XYLT1: variants seen among roughly 807,000 people sequenced by gnomAD.
The protein encoded by XYLT1 is beta-D-xylosyltransferase 1.
Under a neutral mutation model 91.3 loss-of-function variants are expected in XYLT1, and 36 were observed. The ratio of observed to expected loss-of-function variants is 0.39; its 90% CI spans 0.30 to 0.52. The LOEUF (loss-of-function observed/expected upper bound fraction) is 0.52, where lower values mean the gene tolerates loss of function less well. Among genes scored for constraint, XYLT1 ranks in the 20% least tolerant of loss-of-function variants. XYLT1 has a pLI of 0.68. For synonymous variants in XYLT1, 588 were observed against 532.0 expected (o/e 1.11, Z -1.45); for missense variants, 1,242 against 1,284.5 (o/e 0.97, Z 0.51).
chr16:17,161,457 G>C (rs761490781), intron 5 of XYLT1, among the ~76,000 whole-genome samples: 1 of 152,082 alleles, frequency 6.6e-6, no homozygotes, highest in South Asian at 2.1e-4. Context: ...CTAGGGTCTC[G>C]GGCCCCTCGC....
intron 1 of XYLT1, among the ~76,000 whole-genome samples, chr16:17,367,946 T>G (rs2035476286): frequency 6.6e-6 from 1 of 152,188 alleles, no homozygotes; most frequent in South Asian, 2.1e-4. Context: ...CTGGAGTTCA[T>G]CCCATTTTGC....
chr16:17,402,308 C>T (rs1003275255), intron 1 of XYLT1, among the ~76,000 whole-genome samples: 2 of 150,092 alleles, frequency 1.3e-5, no homozygotes, highest in Non-Finnish European at 1.5e-5. Flanking sequence ...CAACGGAGAC[C>T]TTGTCTCAAA....
rs529464759 is a variant in XYLT1, at chr16:17,138,734, C to G, written c.1588-203G>C. The G allele has an allele frequency of 5.4e-6, 3 of 552,064 alleles. No homozygotes were observed. In the Admixed American group the frequency reaches 9.2e-5, roughly 17 times the overall value. The allele number at this position is 552,064 out of a possible 1,614,324, so 34.2% of individuals were successfully genotyped here. A position where few individuals can be genotyped will look rare whatever the true frequency, so the allele number is the denominator to read the frequency against. On this transcript the variant is annotated intron_variant, in intron 7 of 11. Coordinates refer to ENST00000261381, the MANE Select transcript of XYLT1 (RefSeq NM_022166.4). Reference sequence around the variant, plus strand: ...TAAACCTCTTTTCTTTATAAATTACCAAGCCTCAGATTTTCCTTCATAGCA... The same window carrying G: ...TAAACCTCTTTTCTTTATAAATTACGAAGCCTCAGATTTTCCTTCATAGCA...
chr16:17,292,469 C>G (rs1307601823), intron 2 of XYLT1, among the ~76,000 whole-genome samples: 1 of 152,158 alleles, frequency 6.6e-6, no homozygotes, highest in African/African-American at 2.4e-5. Flanking sequence ...TCTGTATTTG[C>G]TGAGCTGATC....
At chr16:17,326,084 C>A (rs929395420) in intron 2 of XYLT1, among the ~76,000 whole-genome samples, 1 of 152,150 alleles carries the variant, frequency 6.6e-6, no homozygotes, top group Non-Finnish European at 1.5e-5. Context: ...TGCACAGACT[C>A]GTGACACCAT....
At chr16:17,454,613 T>C (rs2036711833) in intron 1 of XYLT1, among the ~76,000 whole-genome samples, 1 of 151,968 alleles carries the variant, frequency 6.6e-6, no homozygotes, top group Admixed American at 6.6e-5. Context: ...CTTGGCTCAG[T>C]GCAATCTCTG....
intron 6 of XYLT1, among the ~76,000 whole-genome samples, chr16:17,146,799 C>G (rs1481320225): frequency 6.6e-6 from 1 of 152,116 alleles, no homozygotes; most frequent in African/African-American, 2.4e-5. Flanking sequence ...TATGGATACA[C>G]GGGAGCCCAG....
At chr16:17,198,493 T>C (rs2032475667) in intron 4 of XYLT1, 79 bp from the exon 5 acceptor site, 1 of 1,425,610 alleles carries the variant, frequency 7.0e-7, no homozygotes, top group East Asian at 2.5e-5. Flanking sequence ...CTGTCCCCTC[T>C]CTGTGTCTTC....
At chr16:17,361,164 G>C (rs550115387) in intron 1 of XYLT1, among the ~76,000 whole-genome samples, 3 of 152,324 alleles carry the variant, frequency 2.0e-5, no homozygotes, top group African/African-American at 7.2e-5. Flanking sequence ...GGCATAAGCA[G>C]AAGCTTGAAA....
At chr16:17,402,327 CA>C (rs60232971) in intron 1 of XYLT1, among the ~76,000 whole-genome samples, 15 of 140,538 alleles carry the variant, frequency 1.1e-4, no homozygotes, top group East Asian at 6.4e-4. Context: ...AAAACAAAAA[CA>C]AAAAAAAAAG....
At chr16:17,175,613 C>T (rs986255062) in intron 5 of XYLT1, among the ~76,000 whole-genome samples, 18 of 152,214 alleles carry the variant, frequency 1.2e-4, no homozygotes, top group Non-Finnish European at 1.6e-4. Flanking sequence ...ACCTGCAGAA[C>T]TTACCTCCCT....
At chr16:17,432,394 C>T (rs1007870867) in intron 1 of XYLT1, among the ~76,000 whole-genome samples, 1 of 152,162 alleles carries the variant, frequency 6.6e-6, no homozygotes, top group Non-Finnish European at 1.5e-5. Context: ...CAGCAATATA[C>T]GACTACACAT....
intron 10 of XYLT1, among the ~76,000 whole-genome samples, chr16:17,120,135 T>A (rs7201624): frequency 0.67 from 101,191 of 152,026 alleles, 34,330 homozygotes; most frequent in Non-Finnish European, 0.72. Flanking sequence ...TCTGGGACCC[T>A]CCAGTGCCTA....
intron 3 of XYLT1, among the ~76,000 whole-genome samples, chr16:17,220,379 G>A (rs967617706): frequency 7.2e-5 from 11 of 152,194 alleles, no homozygotes; most frequent in African/African-American, 1.9e-4. Flanking sequence ...CCACCTAGGC[G>A]TTCTCATATA....
At chr16:17,317,628 T>A (rs1179932724) in intron 2 of XYLT1, among the ~76,000 whole-genome samples, 6 of 44,816 alleles carry the variant, frequency 1.3e-4, no homozygotes, top group South Asian at 1.7e-3. Flanking sequence ...AGACGCTGTC[T>A]CAAAAAAAAA....
At chr16:17,243,144 T>A (rs190372057) in intron 3 of XYLT1, among the ~76,000 whole-genome samples, 95 of 152,340 alleles carry the variant, frequency 6.2e-4, no homozygotes, top group African/African-American at 2.3e-3. Context: ...AAGAGCTAAC[T>A]TTTATTGAGC....
intron 11 of XYLT1, among the ~76,000 whole-genome samples, chr16:17,112,561 G>A (rs1233200510): frequency 6.6e-6 from 1 of 152,124 alleles, no homozygotes; most frequent in Admixed American, 6.5e-5. Context: ...TGTACCTGAA[G>A]CAGCGAAGAC....
chr16:17,112,473 G>T (rs749781313), intron 11 of XYLT1, among the ~76,000 whole-genome samples: 8 of 151,880 alleles, frequency 5.3e-5, no homozygotes, highest in Non-Finnish European at 1.0e-4. Flanking sequence ...GAAAAATCAG[G>T]ACCCCATGAA....
At chr16:17,243,807 G>A (rs957893154) in intron 3 of XYLT1, among the ~76,000 whole-genome samples, 4 of 152,118 alleles carry the variant, frequency 2.6e-5, no homozygotes, top group Non-Finnish European at 5.9e-5. Flanking sequence ...AAGTCAGAGG[G>A]GTGAGGGGGA....
Sources: allele counts gnomAD v4.1 joint callset (sites outside exome capture counted in the v4.1 genomes callset), GRCh38; gene constraint gnomAD v4.1.1; transcripts MANE v1.5; gene names NCBI Gene and HGNC (gene_info 2026-07-23, HGNC 2026-07-21).